Variants in BLTP2 observed in about 807,000 individuals in gnomAD.
BLTP2 encodes the protein U937-associated antigen.
the BLTP2 span, chr17:28,640,348 G>C: frequency 5.6e-6 from 3 of 536,860 alleles, no homozygotes; most frequent in Non-Finnish European, 9.7e-6. Context: ...AGCCAAGATC[G>C]CACCACTGAA....
chr17:28,643,735 T>C, the BLTP2 span: 2 of 1,376,404 alleles, frequency 1.5e-6, no homozygotes, highest in Non-Finnish European at 2.1e-6. Context: ...CCAGGAAATG[T>C]TCTGGATTAT....
chr17:28,616,498 C>G, the BLTP2 span: 1 of 1,614,234 alleles, frequency 6.2e-7, no homozygotes, highest in East Asian at 2.2e-5. This position sits in a 1 kb window ranked among gnomAD's most constrained non-coding sequence, Gnocchi z 4.8. Context: ...CGAGGCTTCA[C>G]CACTGGTATT....
chr17:28,634,141 C>A, the BLTP2 span: 1 of 1,481,632 alleles, frequency 6.7e-7, no homozygotes, highest in East Asian at 2.3e-5. Flanking sequence ...TGAGCACTCT[C>A]GGGCCTATCT....
At chr17:28,641,766 G>A in the BLTP2 span, 3 of 873,198 alleles carry the variant, frequency 3.4e-6, no homozygotes, top group East Asian at 4.9e-5. Flanking sequence ...ACTATCCTTA[G>A]GGTCAAAGTC....
At chr17:28,643,289 C>G in the BLTP2 span, 2 of 1,614,156 alleles carry the variant, frequency 1.2e-6, no homozygotes. Context: ...CGCACTTCTC[C>G]AAAGCACAAT....
the BLTP2 span, chr17:28,639,534 A>G: frequency 6.2e-7 from 1 of 1,613,230 alleles, no homozygotes; most frequent in Non-Finnish European, 8.5e-7. Context: ...GTAGCGGGAG[A>G]ATAGAGAAAG....
chr17:28,640,179 G>A, the BLTP2 span, among the ~76,000 whole-genome samples: 1 of 152,164 alleles, frequency 6.6e-6, no homozygotes, highest in Non-Finnish European at 1.5e-5. Flanking sequence ...GGGATCACGA[G>A]GTCAGGAGAT....
At chr17:28,633,162 C>A in the BLTP2 span, 1 of 1,582,454 alleles carries the variant, frequency 6.3e-7, no homozygotes, top group Admixed American at 1.7e-5. Context: ...AGTCGTCATA[C>A]CTGCCTCACA....
the BLTP2 span, chr17:28,628,601 C>G: frequency 6.5e-7 from 1 of 1,537,564 alleles, no homozygotes; most frequent in Non-Finnish European, 8.9e-7. Context: ...ATGGAAATTG[C>G]CCCCAGTGCC....
chr17:28,615,206 G>C, the BLTP2 span: 3 of 1,614,000 alleles, frequency 1.9e-6, no homozygotes, highest in Middle Eastern at 3.3e-4. Context: ...CCGGACCTCA[G>C]AGCCTGTTGC....
At chr17:28,617,737 G>A in the BLTP2 span, among the ~76,000 whole-genome samples, 2 of 152,108 alleles carry the variant, frequency 1.3e-5, no homozygotes, top group Non-Finnish European at 2.9e-5. Flanking sequence ...AGAAGCATCT[G>A]ATCAAACTCA....
At chr17:28,618,453 C>T in the BLTP2 span, among the ~76,000 whole-genome samples, 11 of 152,090 alleles carry the variant, frequency 7.2e-5, no homozygotes, top group South Asian at 1.7e-3. Flanking sequence ...TGACTTTAAG[C>T]AATCCTCCCA....
At chr17:28,634,689 C>T in the BLTP2 span, 1 of 1,614,180 alleles carries the variant, frequency 6.2e-7, no homozygotes, top group Non-Finnish European at 8.5e-7. Flanking sequence ...CTGCTAAGCT[C>T]CAAGTAAGCA....
the BLTP2 span, chr17:28,620,888 G>T: frequency 8.5e-7 from 1 of 1,172,516 alleles, no homozygotes; most frequent in Non-Finnish European, 1.2e-6. Flanking sequence ...CCAGTGCACA[G>T]TGGATTTTTA....
chr17:28,624,000 A>G, the BLTP2 span: 2 of 1,596,738 alleles, frequency 1.3e-6, no homozygotes, highest in Non-Finnish European at 1.7e-6. Flanking sequence ...TTAAGCTACC[A>G]AGGACGATGA....
At chr17:28,623,703 T>C in the BLTP2 span, 4 of 1,430,540 alleles carry the variant, frequency 2.8e-6, no homozygotes, top group African/African-American at 1.4e-5. Context: ...TTCCAGCCAT[T>C]AGAAAGTCTA....
At chr17:28,640,237 CA>C in the BLTP2 span, among the ~76,000 whole-genome samples, 1 of 151,958 alleles carries the variant, frequency 6.6e-6, no homozygotes, top group Non-Finnish European at 1.5e-5. Flanking sequence ...TACTAAAATA[CA>C]AAAAATTAGC....
chr17:28,633,107 G>A, the BLTP2 span: 1 of 1,590,514 alleles, frequency 6.3e-7, no homozygotes, highest in Non-Finnish European at 8.6e-7. Context: ...CACAGCCACT[G>A]CAGGTCCAGT....
At chr17:28,623,667 G>A in the BLTP2 span, 1 of 1,033,042 alleles carries the variant, frequency 9.7e-7, no homozygotes, top group Non-Finnish European at 1.5e-6. Flanking sequence ...TGCTAAGCTA[G>A]TAACAGCAGG....
Sources: allele counts gnomAD v4.1 joint callset (sites outside exome capture counted in the v4.1 genomes callset), GRCh38; gene constraint gnomAD v4.1.1; non-coding constraint Gnocchi (gnomAD v3.1); transcripts MANE v1.5; gene names NCBI Gene and HGNC (gene_info 2026-07-23, HGNC 2026-07-21).